The following ITGA5 variants were observed in gnomAD, a reference collection of about 807,000 sequenced individuals.
The protein encoded by ITGA5 is integrin subunit alpha 5, also known as integrin alpha-5.
ITGA5 carries 55 observed loss-of-function variants against 146.3 expected under a neutral mutation model. The ratio of observed to expected loss-of-function variants is 0.38; its 90% CI spans 0.30 to 0.47. ITGA5 has a LOEUF of 0.47. Ranked by LOEUF, ITGA5 falls within the 20% of genes least tolerant of loss-of-function variation. ITGA5 has a pLI of 0.99. For missense variants in ITGA5, 1,131 were observed against 1,329.0 expected (o/e 0.85, Z 2.32); for synonymous variants, 500 against 531.8 (o/e 0.94, Z 0.82).
At chr12:54,405,132 C>T (rs1565641418) in intron 12 of ITGA5, 34 bp downstream of exon 12, 1 of 1,527,008 alleles carries the variant, frequency 6.5e-7, no homozygotes, top group East Asian at 2.3e-5. Flanking sequence ...GGGCCCCTGC[C>T]TCCTCTTTCA....
At position 54,401,572 on chromosome 12, in the gene ITGA5, G is replaced by T. The variant is rs1177214185; in HGVS notation, c.2387+13C>A. On this transcript the variant is annotated intron_variant, in intron 23 of 29. Coordinates refer to ENST00000293379, the MANE Select transcript of ITGA5 (RefSeq NM_002205.5). This position sits in a 1 kb window ranked among gnomAD's most constrained non-coding sequence, Gnocchi z 5.0. ...TCCCCTCTCAGAAAGACCCCATTTT[G>T]CCTGGCACTGACCCGTTCAGGGTGA... 2.5e-6 allele frequency: 4 copies of T among 1,613,372 alleles called. No individual in the cohort carries two copies. Among genetic ancestry groups the T allele is most frequent in the Middle Eastern group, 1.7e-4 (1 of 6,058 alleles).
In ITGA5 at chr12:54,409,736, G is replaced by T. The variant is rs1592291023; in HGVS notation, c.350-139C>A. 1.1e-5 allele frequency: 7 copies of T among 609,982 alleles called. No homozygotes were observed. The highest frequency in any genetic ancestry group is 3.7e-5 in the African/African-American group (2 of 54,120). 37.8% of individuals were successfully genotyped at this position (609,982 alleles called of 1,614,324 possible). A position where few individuals can be genotyped will look rare whatever the true frequency, so the allele number is the denominator to read the frequency against. ...ATGACTCGCTGGGAGTGTGGAATTGGTAAGGAGCTTAATTCTGCTTTGTGT... is the reference window on the plus strand; with the variant it reads ...ATGACTCGCTGGGAGTGTGGAATTGTTAAGGAGCTTAATTCTGCTTTGTGT... On this transcript the variant is annotated intron_variant, in intron 2 of 29. Coordinates refer to ENST00000293379, the MANE Select transcript of ITGA5 (RefSeq NM_002205.5). This position sits in a 1 kb window ranked among gnomAD's most constrained non-coding sequence, Gnocchi z 4.7.
Position 54,401,899 on chromosome 12 carries a change from T to C in ITGA5, c.2227-44A>G. Reference sequence around the variant, plus strand: ...GAAAAGAGGGCAGTTAGACTGTGTATTTCACCCTCCCTCCGCACCTCACAG... The same window carrying C: ...GAAAAGAGGGCAGTTAGACTGTGTACTTCACCCTCCCTCCGCACCTCACAG... On this transcript the variant is annotated intron_variant, in intron 21 of 29. Transcript: ENST00000293379. The surrounding 1 kb of genome is among the most constrained non-coding windows in gnomAD (Gnocchi z 5.0). 1.2e-6 allele frequency: 2 copies of C among 1,604,198 alleles called. No homozygotes were observed. Among genetic ancestry groups the C allele is most frequent in the Non-Finnish European group, 1.7e-6 (2 of 1,171,106 alleles).
chr12:54,404,830 C>G lies in ITGA5; in HGVS notation c.1290G>C (p.Gly430=). 6.2e-7 allele frequency: 1 copy of G among 1,611,904 alleles called. No homozygotes were observed. The highest frequency in any genetic ancestry group is 1.3e-5 in the African/African-American group (1 of 74,848). ...GCTTAGAGCCCAGCCCTCCTGGGCC[C>G]CCAGGAAATACAAACACTACTCCCT... is the stretch of plus-strand genomic sequence containing the variant. ...TQQGVVFVFP[G]GPGGLGSKPS... is the part of the protein sequence containing the mutation. The change falls in exon 13 of 30, where the codon GGG becomes GGC. Residue 430 remains glycine, a synonymous_variant. Transcript: ENST00000293379.
Position 54,398,604 on chromosome 12 carries a change from T to A in ITGA5, c.2936A>T (p.Glu979Val). Residue 979 changes from glutamate (E) to valine (V), a missense_variant, in exon 28 of 30, where the codon GAG (glutamate) becomes GTG (valine). By Grantham distance (121) the Glu-to-Val change is moderately radical. This residue lies in a region of ITGA5 where 889 missense variants were observed against 1,021.5 expected (regional missense o/e 0.87). Coordinates refer to ENST00000293379, the MANE Select transcript of ITGA5 (RefSeq NM_002205.5). ...RILPRQLPQK[E>V]RQVATAVQWT... ...CTCTGGCCCTAGACTCACCTGACGCTCTTTTTGGGGCAGCTGCCGAGGCAG... is the reference window on the plus strand; with the variant it reads ...CTCTGGCCCTAGACTCACCTGACGCACTTTTTGGGGCAGCTGCCGAGGCAG... 1 of 1,611,042 alleles carries A rather than the reference T, an allele frequency of 6.2e-7. No individual in the cohort carries two copies. The highest frequency in any genetic ancestry group is 1.3e-5 in the African/African-American group (1 of 74,850).
intron 6 of ITGA5, 106 bp downstream of exon 6, chr12:54,408,650 T>C (rs1430364287): frequency 9.0e-6 from 9 of 1,002,872 alleles, no homozygotes; most frequent in Non-Finnish European, 1.3e-5. Context: ...CGCTTGAACC[T>C]GGGCAGCAGA....
At chr12:54,399,815 C>A in intron 26 of ITGA5, 49 bp downstream of exon 26, 1 of 1,607,004 alleles carries the variant, frequency 6.2e-7, no homozygotes, top group South Asian at 1.1e-5. Context: ...CCTGAGAACC[C>A]CAGAGTACTC....
At chr12:54,396,436 T>G in intron 29 of ITGA5, 60 bp from the exon 30 acceptor site, 4 of 1,363,950 alleles carry the variant, frequency 2.9e-6, no homozygotes, top group Non-Finnish European at 4.2e-6. Flanking sequence ...TCCACAGCTC[T>G]TATTCCAAGA....
chr12:54,404,301 A>G (rs533539537), intron 14 of ITGA5, 55 bp from the exon 15 acceptor site: 1 of 1,580,646 alleles, frequency 6.3e-7, no homozygotes, highest in Non-Finnish European at 8.7e-7. Context: ...TAACCTGGAC[A>G]CAGGAAACTG....
rs774312981 is a variant in ITGA5, at chr12:54,409,006, G to C, written c.584-52C>G. The C allele has an allele frequency of 1.3e-6, 2 of 1,565,938 alleles. No homozygotes were observed. Among genetic ancestry groups the C allele is most frequent in the African/African-American group, 2.7e-5 (2 of 73,920 alleles). On this transcript the variant is annotated intron_variant, in intron 4 of 29. Transcript: ENST00000293379. The surrounding 1 kb of genome is among the most constrained non-coding windows in gnomAD (Gnocchi z 4.7). ...GAGCCCTGCATAGATGGGTCATCCA[G>C]GAAAGAAGAGAGGGCATAGGGAAGG... is the stretch of plus-strand genomic sequence containing the variant.
Position 54,404,196 on chromosome 12 carries a change from A to G in ITGA5, c.1514T>C (p.Met505Thr), listed in dbSNP as rs774217332. The G allele has an allele frequency of 1.9e-6, 3 of 1,601,826 alleles. No individual in the cohort carries two copies. The highest frequency in any genetic ancestry group is 3.4e-5 in the Admixed American group (2 of 58,704). The change falls in exon 15 of 30, where the codon ATG (methionine) becomes ACG (threonine). Residue 505 changes from methionine to threonine, a missense_variant. By Grantham distance (81) the Met-to-Thr change is moderately conservative. Coordinates refer to ENST00000293379, the MANE Select transcript of ITGA5 (RefSeq NM_002205.5). ...ASASLTIFPA[M>T]FNPEERSCSL... ...GCAGCTCCGCTCCTCTGGGTTGAAC[A>G]TGGCGGGGAAGATGGTGAGGGAGGC...
chr12:54,397,574 A>G, intron 28 of ITGA5, 87 bp from the exon 29 acceptor site: 1 of 1,501,560 alleles, frequency 6.7e-7, no homozygotes, highest in Non-Finnish European at 9.1e-7. Flanking sequence ...GGATCTGCAG[A>G]GCCCAGTGGG....
At chr12:54,397,168 G>A (rs2120456326) in intron 29 of ITGA5, 197 bp downstream of exon 29, 1 of 479,704 alleles carries the variant, frequency 2.1e-6, no homozygotes. Context: ...GAGTCAAGAG[G>A]ACCCTTTCTA....
At position 54,416,780 on chromosome 12, in the gene ITGA5, T is replaced by A. The variant is rs1182362844; in HGVS notation, c.218+2201A>T. The stretch of plus-strand genomic sequence containing the variant: ...TACCACGCAAAAAACTAGTAAGTAG[T>A]GGGGACTCACACCTACCTCTGTCTG... On this transcript the variant is annotated intron_variant, in intron 1 of 29. Transcript: ENST00000293379. The surrounding 1 kb of genome is among the most constrained non-coding windows in gnomAD (Gnocchi z 4.1). Among the ~76,000 whole-genome samples the A allele has an allele frequency of 6.6e-6, 1 of 152,238 alleles. No homozygotes were observed. Among genetic ancestry groups the A allele is most frequent in the Non-Finnish European group, 1.5e-5 (1 of 68,034 alleles).
At position 54,408,222 on chromosome 12, in the gene ITGA5, A is replaced by G; in HGVS notation, c.705T>C (p.Ser235=). ...GSYFWQGQIL[S]ATQEQIAESY... is the part of the protein sequence containing the mutation. ...ATTCTGCAATCTGCTCCTGAGTGGCAGACAGGATCTGGCCTGGAGAGAGTA... is the reference window on the plus strand; with the variant it reads ...ATTCTGCAATCTGCTCCTGAGTGGCGGACAGGATCTGGCCTGGAGAGAGTA... Residue 235 remains serine, a synonymous_variant, in exon 7 of 30, where the codon TCT becomes TCC. Transcript: ENST00000293379. 1 of 1,614,150 alleles carries G rather than the reference A, an allele frequency of 6.2e-7. No homozygotes were observed. The highest frequency in any genetic ancestry group is 8.5e-7 in the Non-Finnish European group (1 of 1,180,014).
intron 1 of ITGA5, among the ~76,000 whole-genome samples, chr12:54,415,407 T>A (rs1955994297): frequency 6.6e-6 from 1 of 152,222 alleles, no homozygotes; most frequent in African/African-American, 2.4e-5. Context: ...AAAGGCAGAC[T>A]GGCCTCGTTC....
chr12:54,410,814 C>A (rs917297681), intron 2 of ITGA5, among the ~76,000 whole-genome samples: 1 of 152,014 alleles, frequency 6.6e-6, no homozygotes, highest in African/African-American at 2.4e-5. Flanking sequence ...GCAATCTCTG[C>A]CTCCTGAGTT....
chr12:54,399,540 G>A, intron 27 of ITGA5, 105 bp downstream of exon 27: 1 of 798,370 alleles, frequency 1.3e-6, no homozygotes, highest in South Asian at 1.4e-5. Flanking sequence ...GGAGTGCTGG[G>A]TCCCATTCAC....
chr12:54,406,297 A>G (rs990952153), intron 9 of ITGA5, among the ~76,000 whole-genome samples: 3 of 152,176 alleles, frequency 2.0e-5, no homozygotes, highest in African/African-American at 7.2e-5. Flanking sequence ...AATAATTATG[A>G]CTGAATGTGT....
Sources: gnomAD v4.1 joint callset for allele counts (sites outside exome capture counted in the v4.1 genomes callset) on GRCh38, gnomAD v4.1.1 for gene constraint, gnomAD v4.1.1 regional missense constraint, Gnocchi (gnomAD v3.1) non-coding constraint, MANE v1.5 for transcripts, NCBI Gene and HGNC (gene_info 2026-07-23, HGNC 2026-07-21) for gene names.